The following CCSER1 variants were observed in gnomAD, a reference collection of about 807,000 sequenced individuals.
CCSER1 encodes coiled-coil serine rich protein 1.
CCSER1 carries 41 observed loss-of-function variants against 82.0 expected under a neutral mutation model. That is an observed-to-expected ratio of 0.50 (90% CI 0.39 to 0.65). CCSER1 has a LOEUF of 0.65. Ranked by LOEUF, CCSER1 falls within the 30% of genes least tolerant of loss-of-function variation. The pLI is 0.00. For synonymous variants in CCSER1, 414 were observed against 383.9 expected, an observed-to-expected ratio of 1.08 and a Z score of -0.92; for missense variants, 1,119 against 1,064.2, an observed-to-expected ratio of 1.05 and a Z score of -0.72.
At chr4:90,561,087 T>TC (rs1250106188) in intron 5 of CCSER1, among the ~76,000 whole-genome samples, 1 of 152,200 alleles carries the variant, frequency 6.6e-6, no homozygotes, top group African/African-American at 2.4e-5. Flanking sequence ...GAAGATGTGT[T>TC]CCGAAAGCCA....
intron 10 of CCSER1, among the ~76,000 whole-genome samples, chr4:91,127,362 T>C (rs1343059708): frequency 6.6e-6 from 1 of 152,110 alleles, no homozygotes; most frequent in African/African-American, 2.4e-5. Flanking sequence ...CCTGTAACCG[T>C]AGAGACCATG....
At chr4:90,543,429 T>C (rs551057891) in intron 5 of CCSER1, among the ~76,000 whole-genome samples, 1 of 152,180 alleles carries the variant, frequency 6.6e-6, no homozygotes, top group Non-Finnish European at 1.5e-5. Flanking sequence ...TAGTCATAAA[T>C]GTTTCTAGAT....
chr4:90,187,358 ATT>A (rs67308500), intron 1 of CCSER1, among the ~76,000 whole-genome samples: 33,859 of 130,094 alleles, frequency 0.26, 4,605 homozygotes, highest in African/African-American at 0.45. Flanking sequence ...TACAGTAGCT[ATT>A]TTTTTTTTTT....
At chr4:90,370,658 A>T (rs71609590) in intron 3 of CCSER1, among the ~76,000 whole-genome samples, 11,855 of 151,994 alleles carry the variant, frequency 0.078, 603 homozygotes, top group East Asian at 0.18. Context: ...TATTACACAT[A>T]TTCTTTTAAG....
At chr4:91,326,356 G>C (rs995020659) in intron 10 of CCSER1, among the ~76,000 whole-genome samples, 1 of 152,078 alleles carries the variant, frequency 6.6e-6, no homozygotes, top group African/African-American at 2.4e-5. Flanking sequence ...CTTCAGGCCA[G>C]AGCAGGAGAA....
At chr4:90,506,629 G>T (rs958527552) in intron 5 of CCSER1, among the ~76,000 whole-genome samples, 1 of 151,988 alleles carries the variant, frequency 6.6e-6, no homozygotes, top group Non-Finnish European at 1.5e-5. Flanking sequence ...GCCAGGCATG[G>T]TAGTGTGTGC....
Position 90,710,927 on chromosome 4 carries a change from G to T in CCSER1, c.1933-12987G>T, listed in dbSNP as rs145684281. Among the ~76,000 whole-genome samples the T allele has an allele frequency of 5.9e-5, 9 of 152,168 alleles. No homozygotes were observed. The East Asian group carries it at 1.7e-3, about 29-fold the overall frequency. On this transcript the variant is annotated intron_variant, in intron 6 of 10. Transcript: ENST00000509176. The stretch of plus-strand genomic sequence containing the variant: ...GTATAAACTACTTTTGGGAAGTATG[G>T]TCATTCAGATGATACTGATTCTTCT...
intron 10 of CCSER1, among the ~76,000 whole-genome samples, chr4:91,378,128 T>C (rs1226469958): frequency 1.3e-5 from 2 of 152,208 alleles, no homozygotes; most frequent in Non-Finnish European, 2.9e-5. Context: ...GTGGTACCAG[T>C]GCCATGCTGT....
chr4:90,494,458 A>T lies in CCSER1; in HGVS notation c.1724+26104A>T, dbSNP rs1454021084. 2.6e-5 allele frequency among the ~76,000 whole-genome samples: 4 copies of T among 152,328 alleles called. No individual in the cohort carries two copies. In the South Asian group the frequency reaches 8.3e-4, roughly 32 times the overall value. On this transcript the variant is annotated intron_variant, in intron 5 of 10. Transcript: ENST00000509176. ...ACTCTCCACCCCAAATCAACAGAAT[A>T]TACATTCTTCTCAGCACCACATCAC...
intron 10 of CCSER1, among the ~76,000 whole-genome samples, chr4:91,144,184 T>C (rs1008225583): frequency 1.3e-5 from 2 of 152,074 alleles, no homozygotes; most frequent in African/African-American, 4.8e-5. Context: ...CTTGATTCAA[T>C]ATTTGTTGGT....
At chr4:91,433,413 C>G (rs1011579786) in intron 10 of CCSER1, among the ~76,000 whole-genome samples, 1 of 152,190 alleles carries the variant, frequency 6.6e-6, no homozygotes, top group Non-Finnish European at 1.5e-5. Flanking sequence ...ATTTCCTAGG[C>G]CTTCACCGTC....
chr4:90,161,133 T>C (rs1264918548), intron 1 of CCSER1, among the ~76,000 whole-genome samples: 1 of 152,238 alleles, frequency 6.6e-6, no homozygotes, highest in Non-Finnish European at 1.5e-5. Context: ...ACTTACTGTA[T>C]GTAAACTTGT....
At chr4:91,192,577 C>A (rs534321924) in intron 10 of CCSER1, among the ~76,000 whole-genome samples, 1 of 152,188 alleles carries the variant, frequency 6.6e-6, no homozygotes, top group South Asian at 2.1e-4. Context: ...TTATTAGTAA[C>A]AAAACTTGTT....
intron 5 of CCSER1, among the ~76,000 whole-genome samples, chr4:90,609,452 CA>C (rs1299081089): frequency 6.7e-6 from 1 of 149,688 alleles, no homozygotes; most frequent in African/African-American, 2.5e-5. Context: ...CAATAATACA[CA>C]AAAAAGTCTA....
intron 5 of CCSER1, among the ~76,000 whole-genome samples, chr4:90,526,227 T>C (rs1773736366): frequency 6.6e-6 from 1 of 152,148 alleles, no homozygotes; most frequent in Non-Finnish European, 1.5e-5. Flanking sequence ...TACTGTCCTG[T>C]ATGTGGTTTG....
intron 10 of CCSER1, among the ~76,000 whole-genome samples, chr4:91,559,601 A>C (rs950862264): frequency 2.5e-4 from 38 of 151,470 alleles, no homozygotes; most frequent in African/African-American, 7.5e-4. Context: ...ATGAATTTAT[A>C]TTTTTCATAA....
At chr4:91,155,286 A>C (rs1384709233) in intron 10 of CCSER1, among the ~76,000 whole-genome samples, 1 of 151,828 alleles carries the variant, frequency 6.6e-6, no homozygotes, top group East Asian at 1.9e-4. Flanking sequence ...ATGGTTTTAT[A>C]AGGGGGAGTT....
chr4:90,656,953 T>C (rs926619506), intron 6 of CCSER1, among the ~76,000 whole-genome samples: 1 of 152,054 alleles, frequency 6.6e-6, no homozygotes, highest in Admixed American at 6.5e-5. Context: ...TTCAGTTATG[T>C]ATTTAATTCA....
chr4:90,896,219 A>G (rs1444910376), intron 8 of CCSER1, among the ~76,000 whole-genome samples: 2 of 151,978 alleles, frequency 1.3e-5, no homozygotes, highest in East Asian at 3.9e-4. Flanking sequence ...TGCACGAAGA[A>G]AAAATTAGAA....
Sources: gnomAD v4.1 joint callset for allele counts (sites outside exome capture counted in the v4.1 genomes callset) on GRCh38, gnomAD v4.1.1 for gene constraint, MANE v1.5 for transcripts, NCBI Gene and HGNC (gene_info 2026-07-23, HGNC 2026-07-21) for gene names.